MCUB: variants seen among roughly 807,000 people sequenced by gnomAD.
The protein encoded by MCUB is mitochondrial calcium uniporter dominant negative subunit beta, also known as calcium uniporter regulatory subunit MCUb, mitochondrial.
In MCUB, 46 loss-of-function variants were observed where a neutral mutation model predicts 41.4. The observed-to-expected ratio is 1.11, with a 90% CI of 0.88 to 1.42. MCUB has a LOEUF of 1.42. Among genes scored for constraint, MCUB ranks in the 40% most tolerant of loss-of-function variants. The pLI, the probability that MCUB is intolerant of heterozygous loss-of-function variation, is 0.00. For synonymous variants in MCUB, 148 were observed against 148.2 expected (o/e 1.00, Z 0.01); for missense variants, 403 against 404.9 (o/e 1.00, Z 0.04).
intron 4 of MCUB, among the ~76,000 whole-genome samples, chr4:109,672,962 T>A (rs984710519): frequency 5.3e-5 from 8 of 152,240 alleles, no homozygotes; most frequent in Non-Finnish European, 7.3e-5. Context: ...AATAATTTTT[T>A]AAAATTTTAA....
In MCUB at chr4:109,606,698, T is replaced by C. The variant is rs118011008; in HGVS notation, c.99+46262T>C. 3.5e-3 allele frequency among the ~76,000 whole-genome samples: 539 copies of C among 152,304 alleles called. 6 individuals carry two copies. Among genetic ancestry groups the C allele is most frequent in the East Asian group, 0.013 (69 of 5,184 alleles). ...TGTCATCCCCCTGCTTTTTAACTTATTGTTTCTATTTATATCTTATTTTAC... is the reference window on the plus strand; with the variant it reads ...TGTCATCCCCCTGCTTTTTAACTTACTGTTTCTATTTATATCTTATTTTAC... On this transcript the variant is annotated intron_variant, in intron 1 of 7. Coordinates refer to ENST00000394650, the MANE Select transcript of MCUB (RefSeq NM_017918.5).
intron 4 of MCUB, among the ~76,000 whole-genome samples, chr4:109,664,701 A>C (rs1729306990): frequency 1.3e-5 from 2 of 152,286 alleles, no homozygotes; most frequent in South Asian, 4.1e-4. Flanking sequence ...TATGTTAAGA[A>C]TCTTAAATTT....
At chr4:109,607,409 G>C (rs528615281) in intron 1 of MCUB, among the ~76,000 whole-genome samples, 2 of 152,106 alleles carry the variant, frequency 1.3e-5, no homozygotes, top group South Asian at 4.2e-4. Context: ...GTAGAGACAG[G>C]GTTTCACCAA....
chr4:109,662,342 A>C (rs1729248242), intron 3 of MCUB, among the ~76,000 whole-genome samples: 1 of 152,198 alleles, frequency 6.6e-6, no homozygotes, highest in Non-Finnish European at 1.5e-5. Flanking sequence ...TTCTAGGGGC[A>C]GGCAGACCCA....
intron 1 of MCUB, among the ~76,000 whole-genome samples, chr4:109,645,286 C>G (rs1728809253): frequency 6.6e-6 from 1 of 152,052 alleles, no homozygotes; most frequent in South Asian, 2.1e-4. Flanking sequence ...CTAAGGCCTA[C>G]TGGTTGTACT....
intron 1 of MCUB, among the ~76,000 whole-genome samples, chr4:109,633,846 A>G (rs1329467083): frequency 6.6e-6 from 1 of 152,026 alleles, no homozygotes; most frequent in Non-Finnish European, 1.5e-5. Context: ...AAATTGGTAT[A>G]TGTTCTTATC....
intron 1 of MCUB, among the ~76,000 whole-genome samples, chr4:109,617,692 CCTGT>C (rs1453908004): frequency 4.6e-5 from 7 of 152,100 alleles, no homozygotes; most frequent in Non-Finnish European, 8.8e-5. Context: ...TCATAATTAA[CCTGT>C]CTATTATTAT....
chr4:109,643,395 G>T (rs1254864799), intron 1 of MCUB, among the ~76,000 whole-genome samples: 3 of 151,818 alleles, frequency 2.0e-5, no homozygotes, highest in African/African-American at 7.3e-5. Flanking sequence ...ATGTTGGCCA[G>T]GCTGGTCTCC....
intron 1 of MCUB, among the ~76,000 whole-genome samples, chr4:109,593,759 T>C (rs907788379): frequency 2.0e-5 from 3 of 152,228 alleles, no homozygotes; most frequent in African/African-American, 7.2e-5. Context: ...GCTAATTATG[T>C]CGCATTAGAA....
chr4:109,620,830 G>T (rs1728235353), intron 1 of MCUB, among the ~76,000 whole-genome samples: 1 of 152,030 alleles, frequency 6.6e-6, no homozygotes, highest in South Asian at 2.1e-4. Flanking sequence ...TACTTTTACA[G>T]GTTATGGGAC....
intron 1 of MCUB, among the ~76,000 whole-genome samples, chr4:109,612,705 G>A (rs1165279549): frequency 2.6e-5 from 4 of 152,144 alleles, no homozygotes; most frequent in African/African-American, 9.7e-5. Context: ...ATGGGGGAGA[G>A]GGGGACATAC....
chr4:109,606,523 C>T (rs540594586), intron 1 of MCUB, among the ~76,000 whole-genome samples: 62 of 151,610 alleles, frequency 4.1e-4, no homozygotes, highest in Non-Finnish European at 8.5e-4. Context: ...TGTATCCATT[C>T]TTGTGTATTT....
At chr4:109,630,569 T>TTTTG (rs146428253) in intron 1 of MCUB, among the ~76,000 whole-genome samples, 5 of 151,746 alleles carry the variant, frequency 3.3e-5, no homozygotes, top group African/African-American at 9.7e-5. Context: ...AAATTCTGTT[T>TTTTG]TTTGTTTGTT....
Position 109,560,332 on chromosome 4 carries a change from G to A in MCUB, c.-6G>A. On this transcript the variant is annotated 5_prime_UTR_variant, in exon 1 of 8. Coordinates refer to ENST00000394650, the MANE Select transcript of MCUB (RefSeq NM_017918.5). The stretch of plus-strand genomic sequence containing the variant: ...CCTGCGGGAGCCGCGCGCCTGGGGC[G>A]GGAGGATGCTCCAGAGGGGCCTCTG... 1 of 1,253,738 alleles carries A rather than the reference G, an allele frequency of 8.0e-7. No homozygotes were observed. The allele number at this position is 1,253,738 out of a possible 1,614,324, so 77.7% of individuals were successfully genotyped here. A position where few individuals can be genotyped will look rare whatever the true frequency, so the allele number is the denominator to read the frequency against.
intron 1 of MCUB, among the ~76,000 whole-genome samples, chr4:109,563,848 AAGTGCTGGGATTAC>A (rs1427651413): frequency 1.3e-5 from 2 of 151,786 alleles, no homozygotes; most frequent in African/African-American, 4.8e-5. Context: ...CAGCCTCCCA[AAGTGCTGGGATTAC>A]AGGCGTGAGC....
chr4:109,587,401 C>G (rs1032785969), intron 1 of MCUB, among the ~76,000 whole-genome samples: 3 of 152,120 alleles, frequency 2.0e-5, no homozygotes, highest in Non-Finnish European at 4.4e-5. Flanking sequence ...AATCCCCTGA[C>G]CCCTTGTGCT....
intron 1 of MCUB, among the ~76,000 whole-genome samples, chr4:109,569,599 G>A (rs1726864484): frequency 6.8e-6 from 1 of 147,874 alleles, no homozygotes; most frequent in African/African-American, 2.5e-5. Flanking sequence ...TGCCTCCCGG[G>A]TTCAAACGAT....
At chr4:109,622,782 T>C (rs974670592) in intron 1 of MCUB, among the ~76,000 whole-genome samples, 1 of 152,116 alleles carries the variant, frequency 6.6e-6, no homozygotes, top group African/African-American at 2.4e-5. Flanking sequence ...CAATGTGCAT[T>C]TGGTCGAAAC....
chr4:109,660,828 AT>A (rs201653068), intron 3 of MCUB, among the ~76,000 whole-genome samples: 121 of 151,700 alleles, frequency 8.0e-4, no homozygotes, highest in African/African-American at 2.9e-3. Context: ...AGAAAAGAAA[AT>A]TAAAAAAAAA....
Sources: gnomAD v4.1 joint callset for allele counts (sites outside exome capture counted in the v4.1 genomes callset) on GRCh38, gnomAD v4.1.1 for gene constraint, MANE v1.5 for transcripts, NCBI Gene and HGNC (gene_info 2026-07-23, HGNC 2026-07-21) for gene names.